Variants in NUP153 observed in about 807,000 individuals in gnomAD.
The protein encoded by NUP153 is nuclear pore complex protein Nup153.
NUP153 carries 27 observed loss-of-function variants against 134.6 expected under a neutral mutation model. That is an observed-to-expected ratio of 0.20 (90% CI 0.15 to 0.28). The LOEUF (loss-of-function observed/expected upper bound fraction) is 0.28. Among genes scored for constraint, NUP153 ranks in the 10% least tolerant of loss-of-function variants. The pLI is 1.00. For missense variants in NUP153, 1,821 were observed against 1,731.3 expected (o/e 1.05, Z -0.92); for synonymous variants, 640 against 623.5 (o/e 1.03, Z -0.40).
intron 17 of NUP153, among the ~76,000 whole-genome samples, chr6:17,631,918 G>T (rs899904195): frequency 1.3e-5 from 2 of 151,924 alleles, no homozygotes; most frequent in African/African-American, 4.8e-5. Flanking sequence ...AGTGAGCAGA[G>T]ATCGGCCACT....
intron 20 of NUP153, among the ~76,000 whole-genome samples, chr6:17,618,370 C>G (rs1764445758): frequency 6.6e-6 from 1 of 151,784 alleles, no homozygotes; most frequent in African/African-American, 2.4e-5. Context: ...ATAATAAAAG[C>G]AATTTTGGGA....
intron 14 of NUP153, among the ~76,000 whole-genome samples, chr6:17,645,242 C>CAAAA (rs1010515280): frequency 5.8e-5 from 4 of 68,796 alleles, no homozygotes; most frequent in Non-Finnish European, 9.7e-5. Context: ...GACTCTGTCT[C>CAAAA]AAAAAAAAAA....
rs187572065 is a variant in NUP153, at chr6:17,663,780, A to T, written c.1215+1459T>A. On this transcript the variant is annotated intron_variant, in intron 9 of 21. Coordinates refer to ENST00000262077, the MANE Select transcript of NUP153 (RefSeq NM_005124.4). ...AGGCATAAACAATAAGGTGTTAAGT[A>T]AACAAAATAAATACAAGTTAAATGA... Among the ~76,000 whole-genome samples the T allele has an allele frequency of 5.1e-4, 78 of 152,340 alleles. No individual in the cohort carries two copies. In the East Asian group the frequency reaches 0.014, roughly 28 times the overall value.
intron 11 of NUP153, among the ~76,000 whole-genome samples, chr6:17,655,489 T>A (rs1766761689): frequency 6.6e-6 from 1 of 151,518 alleles, no homozygotes; most frequent in South Asian, 2.1e-4. Flanking sequence ...AGTCTCAATC[T>A]GTCACCCAGG....
chr6:17,660,824 T>C (rs1171883722), intron 11 of NUP153, among the ~76,000 whole-genome samples: 2 of 152,092 alleles, frequency 1.3e-5, no homozygotes, highest in Non-Finnish European at 2.9e-5. Context: ...ATAAATACTC[T>C]AGAGAAAATA....
At position 17,646,130 on chromosome 6, in the gene NUP153, C is replaced by T; in HGVS notation, c.1657G>A (p.Val553Ile). 2 of 1,595,276 alleles carry T rather than the reference C, an allele frequency of 1.3e-6. No individual in the cohort carries two copies. Among genetic ancestry groups the T allele is most frequent in the Non-Finnish European group, 1.7e-6 (2 of 1,163,370 alleles). The change falls in exon 14 of 22, where the codon GTT (valine) becomes ATT (isoleucine). Residue 553 changes from valine (V) to isoleucine (I), a missense_variant. By Grantham distance (29) the Val-to-Ile change is conservative. Transcript: ENST00000262077. ...SSIGFTFSVP[V>I]AKTAELSGSS... The stretch of plus-strand genomic sequence containing the variant: ...CCAGAAAGTTCTGCTGTTTTTGCAA[C>T]AGGCACACTAAATGTAAATCCAATC...
chr6:17,662,558 A>G (rs1356488120), intron 9 of NUP153, among the ~76,000 whole-genome samples: 1 of 152,248 alleles, frequency 6.6e-6, no homozygotes, highest in African/African-American at 2.4e-5. Context: ...AGTGCTCAAA[A>G]AGATACAGGC....
Position 17,628,800 on chromosome 6 carries a change from A to G in NUP153, c.3399T>C (p.Phe1133=). ...TGGTTTGCTCTGAATTCCCAAAGGA[A>G]AACACTGGTTGACACTTTGGCTCTT... ...DNEEPKCQPV[F]SFGNSEQTKD... is the part of the protein sequence containing the mutation. Residue 1133 remains phenylalanine, a synonymous_variant, in exon 18 of 22, where the codon TTT becomes TTC. Transcript: ENST00000262077. The surrounding 1 kb of genome is among the most constrained non-coding windows in gnomAD (Gnocchi z 5.4). 1 of 1,614,156 alleles carries G rather than the reference A, an allele frequency of 6.2e-7. No individual in the cohort carries two copies. Among genetic ancestry groups the G allele is most frequent in the South Asian group, 1.1e-5 (1 of 91,086 alleles).
At chr6:17,700,206 A>C (rs1183283047) in intron 1 of NUP153, among the ~76,000 whole-genome samples, 2 of 152,170 alleles carry the variant, frequency 1.3e-5, no homozygotes, top group Non-Finnish European at 2.9e-5. Flanking sequence ...TCCTAAATCA[A>C]ACAGTTCTAT....
intron 8 of NUP153, among the ~76,000 whole-genome samples, chr6:17,665,746 A>T (rs1767497898): frequency 6.7e-6 from 1 of 149,822 alleles, no homozygotes; most frequent in Non-Finnish European, 1.5e-5. Flanking sequence ...TAAGAGACGG[A>T]CTCCTGCTCT....
At chr6:17,655,195 T>C (rs188595931) in intron 11 of NUP153, among the ~76,000 whole-genome samples, 2 of 152,212 alleles carry the variant, frequency 1.3e-5, no homozygotes, top group Admixed American at 1.3e-4. Flanking sequence ...ATATATTTAA[T>C]GACTACAATC....
rs144021950 is a variant in NUP153 at position 17,632,621 on chromosome 6, C to T, written c.2659+29G>A. On this transcript the variant is annotated intron_variant, in intron 17 of 21. Coordinates refer to ENST00000262077, the MANE Select transcript of NUP153 (RefSeq NM_005124.4). ...GCCTTACAAAAAGGCGCTTTACCATCACCTTTATTTTTATTTTTTTGGCCT... is the reference window on the plus strand; with the variant it reads ...GCCTTACAAAAAGGCGCTTTACCATTACCTTTATTTTTATTTTTTTGGCCT... The T allele has an allele frequency of 6.4e-6, 10 of 1,555,632 alleles. No homozygotes were observed. In the East Asian group the frequency reaches 1.8e-4, roughly 28 times the overall value.
chr6:17,646,150 C>T lies in NUP153; in HGVS notation c.1637G>A (p.Gly546Glu). The part of the protein sequence containing the change: ...EANVLPPSSI[G>E]FTFSVPVAKT... ...TGCAACAGGCACACTAAATGTAAAT[C>T]CAATCTGTAAAGAGAAAGAATATCC... is the stretch of plus-strand genomic sequence containing the variant. Residue 546 changes from glycine to glutamate, a missense_variant, in exon 14 of 22, where the codon GGA (glycine) becomes GAA (glutamate). Physicochemically the swap from Gly to Glu is moderately conservative, Grantham distance 98. Coordinates refer to ENST00000262077, the MANE Select transcript of NUP153 (RefSeq NM_005124.4). 2 of 1,562,116 alleles carry T rather than the reference C, an allele frequency of 1.3e-6. No individual in the cohort carries two copies.
intron 1 of NUP153, among the ~76,000 whole-genome samples, chr6:17,695,035 G>A (rs576128368): frequency 6.6e-6 from 1 of 152,044 alleles, no homozygotes; most frequent in African/African-American, 2.4e-5. Context: ...ACAAAAAGGT[G>A]CTAAGACCCA....
At position 17,675,127 on chromosome 6, in the gene NUP153, T is replaced by C; in HGVS notation, c.724-94A>G. The stretch of plus-strand genomic sequence containing the variant: ...GATCATGCTGCTACACACTCAAGCC[T>C]GGGCAACAGCAAAAGACTCTTGTCT... On this transcript the variant is annotated intron_variant, in intron 4 of 21. Transcript: ENST00000262077. This position sits in a 1 kb window ranked among gnomAD's most constrained non-coding sequence, Gnocchi z 4.4. 2 of 1,545,272 alleles carry C rather than the reference T, an allele frequency of 1.3e-6. No individual in the cohort carries two copies. The highest frequency in any genetic ancestry group is 1.9e-5 in the Admixed American group (1 of 51,842).
chr6:17,632,258 G>A (rs1338148348), intron 17 of NUP153, among the ~76,000 whole-genome samples: 5 of 151,980 alleles, frequency 3.3e-5, no homozygotes, highest in African/African-American at 9.7e-5. Flanking sequence ...CAGAGATCGC[G>A]CCCCCGTACT....
At chr6:17,687,604 T>C (rs1769011375) in intron 2 of NUP153, among the ~76,000 whole-genome samples, 1 of 152,196 alleles carries the variant, frequency 6.6e-6, no homozygotes. Context: ...TATTTTTTAC[T>C]ATGGACAAAT....
At chr6:17,626,498 A>G (rs189409422) in intron 18 of NUP153, among the ~76,000 whole-genome samples, 10 of 152,330 alleles carry the variant, frequency 6.6e-5, no homozygotes, top group Admixed American at 6.5e-4. Context: ...GTACTTTTAT[A>G]TGTTTTATTT....
chr6:17,702,951 G>A (rs1287071568), intron 1 of NUP153, among the ~76,000 whole-genome samples: 2 of 151,946 alleles, frequency 1.3e-5, no homozygotes, highest in East Asian at 1.9e-4. Flanking sequence ...TGTAATACCA[G>A]CACTTTTGGG....
Sources: allele counts gnomAD v4.1 joint callset (sites outside exome capture counted in the v4.1 genomes callset), GRCh38; gene constraint gnomAD v4.1.1; non-coding constraint Gnocchi (gnomAD v3.1); transcripts MANE v1.5; gene names NCBI Gene and HGNC (gene_info 2026-07-23, HGNC 2026-07-21).